The following RASSF3 variants were observed in gnomAD, a reference collection of about 807,000 sequenced individuals.
RASSF3 encodes the protein Ras association domain family member 3, also known as ras association domain-containing protein 3.
In RASSF3, 19 loss-of-function variants were observed where a neutral mutation model predicts 19.9. That is an observed-to-expected ratio of 0.96 (90% CI 0.67 to 1.40). RASSF3 has a LOEUF of 1.40. RASSF3 is among the 40% of genes most tolerant of loss of function. RASSF3 has a pLI of 0.00. For missense variants in RASSF3, 306 were observed against 289.8 expected (o/e 1.06, Z -0.41); for synonymous variants, 110 against 104.2 (o/e 1.06, Z -0.34).
At chr12:64,575,117 AT>A (rs1356513678) in intron 2 of RASSF3, among the ~76,000 whole-genome samples, 1 of 152,256 alleles carries the variant, frequency 6.6e-6, no homozygotes, top group Admixed American at 6.5e-5. Context: ...GAAAGCTGTC[AT>A]TTATGTACAT....
At chr12:64,636,271 C>T (rs1374245792) in intron 1 of RASSF3, among the ~76,000 whole-genome samples, 3 of 151,992 alleles carry the variant, frequency 2.0e-5, no homozygotes, top group Non-Finnish European at 4.4e-5. Context: ...TGCACCACCA[C>T]GCCTGGCTAA....
Position 64,696,118 on chromosome 12 carries a change from C to CCTCCCTCCCTCT in RASSF3, c.*1210_*1211insCTCCCTCTCTCC, listed in dbSNP as rs1175074464. On this transcript the variant is annotated 3_prime_UTR_variant, in exon 5 of 5. Transcript: ENST00000542104. ...CCCTCCCTCCCTCCCTCCCTCCCTCCCTCCTTCCCTCCCTCTCTCTCCCTC... is the reference window on the plus strand; with the variant it reads ...CCCTCCCTCCCTCCCTCCCTCCCTCCCTCCCTCCCTCTCTCCTTCCCTCCCTCTCTCTCCCTC... 1.1e-5 allele frequency: 1 copy of CCTCCCTCCCTCT among 89,752 alleles called. No individual in the cohort carries two copies. Among genetic ancestry groups the CCTCCCTCCCTCT allele is most frequent in the East Asian group, 3.4e-4 (1 of 2,970 alleles). The allele number at this position is 89,752 out of a possible 1,614,324, so 5.6% of individuals were successfully genotyped here. A position where few individuals can be genotyped will look rare whatever the true frequency, so the allele number is the denominator to read the frequency against.
Position 64,516,405 on chromosome 12 carries a change from G to A in RASSF3, c.169+9076G>A, listed in dbSNP as rs1868366195. Among the ~76,000 whole-genome samples the A allele has an allele frequency of 2.0e-5, 3 of 147,054 alleles. No individual in the cohort carries two copies. The East Asian group carries it at 6.3e-4, about 31-fold the overall frequency. On this transcript the variant is annotated intron_variant, in intron 1 of 5. Transcript: ENST00000637125. Reference sequence around the variant, plus strand: ...GAGGCCGAGGCGGGCGGATCACGAGGTCAGGAGATCGAGACCATCCCGACT... The same window carrying A: ...GAGGCCGAGGCGGGCGGATCACGAGATCAGGAGATCGAGACCATCCCGACT...
At chr12:64,539,131 G>T (rs1868890613) in intron 1 of RASSF3, among the ~76,000 whole-genome samples, 1 of 152,142 alleles carries the variant, frequency 6.6e-6, no homozygotes, top group African/African-American at 2.4e-5. Flanking sequence ...AAAATAAAAG[G>T]AATTTATTTC....
chr12:64,690,705 C>G (rs978154116), intron 3 of RASSF3, among the ~76,000 whole-genome samples: 1 of 151,282 alleles, frequency 6.6e-6, no homozygotes, highest in Admixed American at 6.6e-5. Flanking sequence ...TGGCTGGTCT[C>G]GAACTCCAGG....
At chr12:64,693,467 G>C (rs1868314029) in intron 4 of RASSF3, among the ~76,000 whole-genome samples, 1 of 151,322 alleles carries the variant, frequency 6.6e-6, no homozygotes, top group Non-Finnish European at 1.5e-5. Context: ...CACCCAGGCT[G>C]GAGTACAGTG....
chr12:64,536,698 T>C (rs959992988), intron 1 of RASSF3, among the ~76,000 whole-genome samples: 9 of 152,230 alleles, frequency 5.9e-5, no homozygotes, highest in Admixed American at 5.9e-4. Flanking sequence ...AAATAAGGAA[T>C]TATATAGGAT....
At chr12:64,671,523 A>T (rs941390492) in intron 1 of RASSF3, among the ~76,000 whole-genome samples, 1 of 152,208 alleles carries the variant, frequency 6.6e-6, no homozygotes, top group Non-Finnish European at 1.5e-5. Flanking sequence ...GAGGACGGAG[A>T]GGACTTCTGC....
chr12:64,682,219 C>T (rs920302422), intron 1 of RASSF3, among the ~76,000 whole-genome samples: 1 of 152,044 alleles, frequency 6.6e-6, no homozygotes, highest in African/African-American at 2.4e-5. Context: ...CCAGTATTAC[C>T]CAATATACTG....
chr12:64,561,805 G>A (rs1210503428), intron 2 of RASSF3, among the ~76,000 whole-genome samples: 1 of 137,662 alleles, frequency 7.3e-6, no homozygotes, highest in Non-Finnish European at 1.5e-5. Context: ...TGATTCTTGT[G>A]TCTCAGCCTC....
At chr12:64,679,039 C>T (rs536837720) in intron 1 of RASSF3, among the ~76,000 whole-genome samples, 22 of 152,252 alleles carry the variant, frequency 1.4e-4, no homozygotes, top group African/African-American at 5.1e-4. Flanking sequence ...GCCACATTCA[C>T]CTTCTCTCTT....
chr12:64,549,594 G>C, intron 2 of RASSF3, among the ~76,000 whole-genome samples: 1 of 152,032 alleles, frequency 6.6e-6, no homozygotes, highest in South Asian at 2.1e-4. Flanking sequence ...TAATCATTAG[G>C]AGTCAATGGT....
intron 1 of RASSF3, among the ~76,000 whole-genome samples, chr12:64,683,421 T>G (rs1187424536): frequency 6.6e-6 from 1 of 152,228 alleles, no homozygotes; most frequent in African/African-American, 2.4e-5. Context: ...TGGTAAATTC[T>G]TCACAGTGAG....
At chr12:64,595,794 AG>A (rs1233455002) in intron 2 of RASSF3, among the ~76,000 whole-genome samples, 1 of 152,160 alleles carries the variant, frequency 6.6e-6, no homozygotes, top group Non-Finnish European at 1.5e-5. Context: ...AAGAAGCAAA[AG>A]TTTTTCTCTG....
chr12:64,650,355 G>A (rs1004909444), intron 1 of RASSF3, among the ~76,000 whole-genome samples: 2 of 150,854 alleles, frequency 1.3e-5, no homozygotes, highest in African/African-American at 4.9e-5. Context: ...GCTGTGCTCA[G>A]TGATGACCTC....
At chr12:64,540,405 T>G (rs1868915797) in intron 1 of RASSF3, among the ~76,000 whole-genome samples, 1 of 152,176 alleles carries the variant, frequency 6.6e-6, no homozygotes, top group Admixed American at 6.5e-5. Flanking sequence ...AAAGTTAAAC[T>G]TAGAATTACT....
intron 2 of RASSF3, among the ~76,000 whole-genome samples, chr12:64,566,923 G>A (rs968164735): frequency 6.6e-6 from 1 of 152,194 alleles, no homozygotes; most frequent in Admixed American, 6.5e-5. Context: ...TTGCTGAAGC[G>A]ATTAGGTCCA....
intron 1 of RASSF3, among the ~76,000 whole-genome samples, chr12:64,664,358 A>T (rs2136200997): frequency 6.6e-6 from 1 of 152,296 alleles, no homozygotes; most frequent in South Asian, 2.1e-4. Flanking sequence ...CTTACCATAA[A>T]TACTTCTAGG....
At chr12:64,619,309 C>G (rs922809337) in intron 1 of RASSF3, among the ~76,000 whole-genome samples, 9 of 151,072 alleles carry the variant, frequency 6.0e-5, no homozygotes, top group African/African-American at 2.2e-4. Context: ...GGTTGTGAAA[C>G]TTTTGTGTGG....
Sources: gnomAD v4.1 joint callset for allele counts (sites outside exome capture counted in the v4.1 genomes callset) on GRCh38, gnomAD v4.1.1 for gene constraint, MANE v1.5 for transcripts, NCBI Gene and HGNC (gene_info 2026-07-23, HGNC 2026-07-21) for gene names.